The following PCDHGB2 variants were observed in gnomAD, a reference collection of about 807,000 sequenced individuals.
PCDHGB2 encodes protocadherin gamma subfamily B, 2.
In PCDHGB2, 55 loss-of-function variants were observed where a neutral mutation model predicts 59.3. The ratio of observed to expected loss-of-function variants is 0.93; its 90% CI spans 0.75 to 1.16. The LOEUF (loss-of-function observed/expected upper bound fraction) is 1.16, where lower values mean the gene tolerates loss of function less well. Ranked by LOEUF, PCDHGB2 falls within the 50% of genes most tolerant of loss-of-function variation. The probability of loss-of-function intolerance (pLI) is 0.00; values close to 1 mark genes in which losing one functional copy is unlikely to be tolerated. For missense variants in PCDHGB2, 1,228 were observed against 1,198.5 expected, an observed-to-expected ratio of 1.02 and a Z score of -0.36; for synonymous variants, 516 against 512.0, an observed-to-expected ratio of 1.01 and a Z score of -0.11.
chr5:141,384,576 G>A (rs757254740), intron 1 of PCDHGB2: 18 of 1,614,060 alleles, frequency 1.1e-5, no homozygotes, highest in South Asian at 7.7e-5. Context: ...ATGACAACCC[G>A]CCCGAGATCC....
At chr5:141,386,155 C>A (rs763846568) in intron 1 of PCDHGB2, among the ~76,000 whole-genome samples, 73 of 152,278 alleles carry the variant, frequency 4.8e-4, no homozygotes, top group Middle Eastern at 3.4e-3. Flanking sequence ...AACTGTCTCA[C>A]GTACTCAAAC....
At chr5:141,462,980 G>T (rs1249102130) in intron 1 of PCDHGB2, among the ~76,000 whole-genome samples, 1 of 152,006 alleles carries the variant, frequency 6.6e-6, no homozygotes, top group Non-Finnish European at 1.5e-5. Flanking sequence ...AGTAACTTTT[G>T]CCTTGGGCTA....
intron 1 of PCDHGB2, among the ~76,000 whole-genome samples, chr5:141,387,512 T>G (rs1371060044): frequency 1.3e-5 from 2 of 152,256 alleles, no homozygotes; most frequent in South Asian, 4.1e-4. Flanking sequence ...TTAGACGTCA[T>G]TAAATATACA....
Position 141,431,948 on chromosome 5 carries a change from T to G in PCDHGB2, c.2422-62859T>G. ...AAATCTGCCCTTTAAATTAGAAAAA[T>G]CTTACGGAAATTACTATAGTTTAGT... is the stretch of plus-strand genomic sequence containing the variant. On this transcript the variant is annotated intron_variant, in intron 1 of 3. Transcript: ENST00000522605. The surrounding 1 kb of genome is among the most constrained non-coding windows in gnomAD (Gnocchi z 4.8). The G allele has an allele frequency of 6.2e-7, 1 of 1,614,076 alleles. No homozygotes were observed. The highest frequency in any genetic ancestry group is 8.5e-7 in the Non-Finnish European group (1 of 1,180,006).
intron 1 of PCDHGB2, chr5:141,371,210 C>T: frequency 6.2e-7 from 1 of 1,614,010 alleles, no homozygotes; most frequent in Non-Finnish European, 8.5e-7. Flanking sequence ...TGGATGAGGG[C>T]ATCAATGCCG....
In PCDHGB2 at chr5:141,477,696, A is replaced by T. The variant is rs778604051; in HGVS notation, c.2422-17111A>T. The T allele has an allele frequency of 2.1e-5, 34 of 1,614,054 alleles. No individual in the cohort carries two copies. Among genetic ancestry groups the T allele is most frequent in the Non-Finnish European group, 2.9e-5 (34 of 1,180,044 alleles). On this transcript the variant is annotated intron_variant, in intron 1 of 3. Transcript: ENST00000522605. This position sits in a 1 kb window ranked among gnomAD's most constrained non-coding sequence, Gnocchi z 4.9. ...GTGTCATCCTTAGTGCCCCTAGACT[A>T]TGAGGATCGGCGGGAATTTGAATTA...
chr5:141,375,210 C>T, intron 1 of PCDHGB2: 1 of 1,614,008 alleles, frequency 6.2e-7, no homozygotes. Context: ...GATCGAGACT[C>T]TGGCCTGAAT....
intron 1 of PCDHGB2, chr5:141,387,731 C>A (rs909205011): frequency 6.4e-6 from 8 of 1,254,262 alleles, no homozygotes; most frequent in East Asian, 2.5e-5. Flanking sequence ...CCAGCGCCAG[C>A]CTTTACACCG....
At position 141,477,855 on chromosome 5, in the gene PCDHGB2, T is replaced by C; in HGVS notation, c.2422-16952T>C. The C allele has an allele frequency of 1.2e-6, 2 of 1,613,698 alleles. No individual in the cohort carries two copies. The highest frequency in any genetic ancestry group is 1.7e-6 in the Non-Finnish European group (2 of 1,179,882). On this transcript the variant is annotated intron_variant, in intron 1 of 3. Coordinates refer to ENST00000522605, the MANE Select transcript of PCDHGB2 (RefSeq NM_018923.3). The surrounding 1 kb of genome is among the most constrained non-coding windows in gnomAD (Gnocchi z 4.9). ...CCAGGTGGGAGCTCGGTGGAGATGC[T>C]GCCTCGAGGTACCTCAGCTGGCCAC...
Position 141,447,179 on chromosome 5 carries a change from G to A in PCDHGB2, c.2422-47628G>A, listed in dbSNP as rs558348683. ...GTTTAAGCGGGGTCTTGCTCTTGTC[G>A]CGCAGGCTGGAGTGCAATGGCTTGA... On this transcript the variant is annotated intron_variant, in intron 1 of 3. Transcript: ENST00000522605. 4.6e-4 allele frequency among the ~76,000 whole-genome samples: 70 copies of A among 151,826 alleles called. 1 individual carries two copies. The highest frequency in any genetic ancestry group is 3.9e-4 in the East Asian group (2 of 5,158).
chr5:141,422,916 C>T, intron 1 of PCDHGB2: 1 of 1,614,260 alleles, frequency 6.2e-7, no homozygotes, highest in Non-Finnish European at 8.5e-7. Context: ...CGCCCGAGAT[C>T]CTGTACCCTG....
At chr5:141,506,119 G>T (rs1171566108) in intron 3 of PCDHGB2, among the ~76,000 whole-genome samples, 1 of 152,106 alleles carries the variant, frequency 6.6e-6, no homozygotes, top group African/African-American at 2.4e-5. Context: ...AGTCACTAGG[G>T]CCCAGAGCAG....
At chr5:141,506,213 A>G (rs2154593866) in intron 3 of PCDHGB2, among the ~76,000 whole-genome samples, 1 of 152,204 alleles carries the variant, frequency 6.6e-6, no homozygotes, top group South Asian at 2.1e-4. Flanking sequence ...CACTTTGGGA[A>G]GCTGAGGCAG....
intron 1 of PCDHGB2, chr5:141,422,327 T>C (rs1561800795): frequency 1.3e-6 from 2 of 1,548,652 alleles, no homozygotes; most frequent in African/African-American, 2.8e-5. Context: ...GGTACAGTGA[T>C]TGCTCTTCTA....
intron 1 of PCDHGB2, among the ~76,000 whole-genome samples, chr5:141,466,387 A>G (rs1312030857): frequency 1.3e-5 from 2 of 152,108 alleles, no homozygotes; most frequent in Non-Finnish European, 2.9e-5. Flanking sequence ...CATCTAATGG[A>G]AAGTTTGCTC....
In PCDHGB2 at chr5:141,361,653, C is replaced by G. The variant is rs757588144; in HGVS notation, c.1518C>G (p.Ser506=). 6.2e-7 allele frequency: 1 copy of G among 1,613,770 alleles called. No homozygotes were observed. The highest frequency in any genetic ancestry group is 8.5e-7 in the Non-Finnish European group (1 of 1,179,898). ...LKPREILSYV[S]VSAQSGVVFA... is the part of the protein sequence containing the mutation. ...CGCGGGAGATTTTATCCTACGTGTC[C>G]GTGAGCGCGCAGAGCGGGGTGGTGT... The change falls in exon 1 of 4, where the codon TCC becomes TCG. Residue 506 remains serine, a synonymous_variant. Transcript: ENST00000522605.
At chr5:141,405,261 T>A (rs1445565178) in intron 1 of PCDHGB2, 1 of 1,613,852 alleles carries the variant, frequency 6.2e-7, no homozygotes, top group South Asian at 1.1e-5. Context: ...CACCTGATCT[T>A]CCCCCAGCCC....
At chr5:141,398,910 G>A (rs1465229535) in intron 1 of PCDHGB2, 1 of 1,613,972 alleles carries the variant, frequency 6.2e-7, no homozygotes, top group South Asian at 1.1e-5. Flanking sequence ...GCACCACTGT[G>A]TTGCAAGTGT....
intron 1 of PCDHGB2, chr5:141,415,738 AGGTTTTTT>A: frequency 1.9e-6 from 1 of 538,082 alleles, no homozygotes; most frequent in Non-Finnish European, 2.7e-6. Flanking sequence ...ATGTTTATTA[AGGTTTTTT>A]TTTTTTTTTT....
Sources: allele counts gnomAD v4.1 joint callset (sites outside exome capture counted in the v4.1 genomes callset), GRCh38; gene constraint gnomAD v4.1.1; non-coding constraint Gnocchi (gnomAD v3.1); transcripts MANE v1.5; gene names NCBI Gene and HGNC (gene_info 2026-07-23, HGNC 2026-07-21).